The following MRPL40 variants were observed in gnomAD, a reference collection of about 807,000 sequenced individuals.
MRPL40 encodes large ribosomal subunit protein mL40.
A neutral mutation model predicts 24.5 loss-of-function variants in MRPL40; 18 were observed. The ratio of observed to expected loss-of-function variants is 0.73; its 90% confidence interval spans 0.51 to 1.09. The LOEUF is 1.09. Among genes scored for constraint, MRPL40 ranks in the 50% least tolerant of loss-of-function variants. The pLI is 0.00. For synonymous variants in MRPL40, 108 were observed against 94.6 expected (o/e 1.14, Z -0.82); for missense variants, 256 against 243.8 (o/e 1.05, Z -0.33).
rs2089556242 is a variant in MRPL40 at position 19,432,822 on chromosome 22, T to C, written c.53+215T>C. The C allele has an allele frequency of 3.7e-6, 5 of 1,354,818 alleles. No homozygotes were observed. The East Asian group carries it at 8.8e-5, about 24-fold the overall frequency. 83.9% of individuals were successfully genotyped at this position (1,354,818 alleles called of 1,614,324 possible). A position where few individuals can be genotyped will look rare whatever the true frequency, so the allele number is the denominator to read the frequency against. ...TCCTCTGTGGTCTGAACGAAAGATT[T>C]TGAAAAACCTTCCACGTTGACCTTG... is the stretch of plus-strand genomic sequence containing the variant. On this transcript the variant is annotated intron_variant, in intron 1 of 3. Coordinates refer to ENST00000333130, the MANE Select transcript of MRPL40 (RefSeq NM_003776.4).
intron 1 of MRPL40, 145 bp downstream of exon 1, chr22:19,432,752 T>C (rs575525535): frequency 1.1e-5 from 15 of 1,399,176 alleles, no homozygotes; most frequent in African/African-American, 7.5e-5. Context: ...GTGACTCTTA[T>C]GCATGAAAAT....
intron 1 of MRPL40, chr22:19,432,962 C>T: frequency 1.0e-6 from 1 of 994,722 alleles, no homozygotes; most frequent in Non-Finnish European, 1.3e-6. Flanking sequence ...CAGAGTCTCG[C>T]TCTGTCGCCC....
intron 1 of MRPL40, 76 bp downstream of exon 1, chr22:19,432,683 G>C (rs1483032932): frequency 6.8e-7 from 1 of 1,478,916 alleles, no homozygotes; most frequent in Admixed American, 2.3e-5. Context: ...GCCAGGACTC[G>C]CCTGTGCTCC....
chr22:19,435,978 T>C lies in MRPL40; in HGVS notation c.*16T>C. On this transcript the variant is annotated 3_prime_UTR_variant, in exon 4 of 4. Transcript: ENST00000333130. ...TAAGAGATAGACTTGCAGGCTGCTA[T>C]CCTTAACATGCTGCCCCTGAGAGTA... is the stretch of plus-strand genomic sequence containing the variant. The C allele has an allele frequency of 6.3e-7, 1 of 1,593,816 alleles. No homozygotes were observed. Among genetic ancestry groups the C allele is most frequent in the Non-Finnish European group, 8.6e-7 (1 of 1,164,972 alleles).
At chr22:19,433,907 C>T (rs1168559541) in intron 2 of MRPL40, among the ~76,000 whole-genome samples, 4 of 151,700 alleles carry the variant, frequency 2.6e-5, no homozygotes, top group South Asian at 2.1e-4. Context: ...GGATTACAGG[C>T]GCCCACTACC....
In MRPL40 at chr22:19,432,607, G is replaced by A. The variant is rs924516311; in HGVS notation, c.53G>A (p.Gly18Glu). 41 of 1,552,870 alleles carry A rather than the reference G, an allele frequency of 2.6e-5. No homozygotes were observed. The highest frequency in any genetic ancestry group is 3.5e-5 in the Non-Finnish European group (40 of 1,149,716). Residue 18 changes from glycine (G) to glutamate (E), a missense_variant and splice_region_variant, in exon 1 of 4, where the codon GGG becomes GAG. By Grantham distance (98) the Gly-to-Glu change is moderately conservative (BLOSUM62 -2). Coordinates refer to ENST00000333130, the MANE Select transcript of MRPL40 (RefSeq NM_003776.4). The part of the protein sequence containing the change: ...SISLALRPTS[G>E]LLGTWQTQLR... ...TCGCTAGCCCTGCGCCCGACTAGCG[G>A]GTGAGTGCGGACGCTGGCCGGATAG...
Position 19,434,723 on chromosome 22 carries a change from C to G in MRPL40, c.138-13C>G, listed in dbSNP as rs546050988. 3 of 1,572,964 alleles carry G rather than the reference C, an allele frequency of 1.9e-6. No individual in the cohort carries two copies. The highest frequency in any genetic ancestry group is 2.0e-4 in the Middle Eastern group (1 of 5,026). On this transcript the variant is annotated splice_polypyrimidine_tract_variant and intron_variant, in intron 2 of 3. Coordinates refer to ENST00000333130, the MANE Select transcript of MRPL40 (RefSeq NM_003776.4). The stretch of plus-strand genomic sequence containing the variant: ...CAAAGAGGAAAATGTTTAATATTTG[C>G]TTTATCTATTAGATCAGAACCTCTT...
At chr22:19,434,993 C>A in intron 3 of MRPL40, 99 bp downstream of exon 3, 2 of 1,108,340 alleles carry the variant, frequency 1.8e-6, no homozygotes, top group Non-Finnish European at 2.6e-6. Context: ...AGTCATTGGT[C>A]AGTAGGCTTG....
At chr22:19,434,957 T>C (rs2089577782) in intron 3 of MRPL40, 63 bp downstream of exon 3, 3 of 1,398,478 alleles carry the variant, frequency 2.1e-6, no homozygotes, top group Non-Finnish European at 2.0e-6. Flanking sequence ...CTTCAGGTAG[T>C]TGTGTCTGTA....
intron 1 of MRPL40, 41 bp downstream of exon 1, chr22:19,432,648 G>A: frequency 6.6e-7 from 1 of 1,526,692 alleles, no homozygotes; most frequent in Non-Finnish European, 8.8e-7. Context: ...TGCCCAGGGC[G>A]CGTGCGGGGT....
At chr22:19,434,086 A>T (rs1421497041) in intron 2 of MRPL40, among the ~76,000 whole-genome samples, 1 of 150,782 alleles carries the variant, frequency 6.6e-6, no homozygotes, top group Non-Finnish European at 1.5e-5. Context: ...CAATTTTAAT[A>T]GTAATAAGCT....
At position 19,432,553 on chromosome 22, in the gene MRPL40, C is replaced by T. The variant is rs1388324447; in HGVS notation, c.-2C>T. 3.1e-5 allele frequency: 48 copies of T among 1,548,728 alleles called. No individual in the cohort carries two copies. Among genetic ancestry groups the T allele is most frequent in the Admixed American group, 1.4e-4 (7 of 51,186 alleles). ...GCACGCCCGGAAGCGGCGAGGGTAG[C>T]CATGACGGCCTCCGTGCTGCGAAGT... On this transcript the variant is annotated 5_prime_UTR_variant, in exon 1 of 4. Transcript: ENST00000333130.
At chr22:19,432,901 T>A (rs2089556718) in intron 1 of MRPL40, 7 of 1,263,616 alleles carry the variant, frequency 5.5e-6, no homozygotes, top group Middle Eastern at 2.9e-4. Context: ...TGCAATTTTT[T>A]ATTTTCCTGT....
In MRPL40 at chr22:19,433,254, G is replaced by T; in HGVS notation, c.54-11G>T. On this transcript the variant is annotated splice_polypyrimidine_tract_variant and intron_variant, in intron 1 of 3. Coordinates refer to ENST00000333130, the MANE Select transcript of MRPL40 (RefSeq NM_003776.4). ...GAAGCAGATATTTATACATACTCTT[G>T]TATCTTTCAGGCTTCTGGGAACTTG... 2 of 1,589,074 alleles carry T rather than the reference G, an allele frequency of 1.3e-6. No homozygotes were observed. Among genetic ancestry groups the T allele is most frequent in the Non-Finnish European group, 1.7e-6 (2 of 1,157,728 alleles).
At chr22:19,432,628 G>C (rs369234000) in intron 1 of MRPL40, 21 bp downstream of exon 1, 1 of 1,546,032 alleles carries the variant, frequency 6.5e-7, no homozygotes, top group Non-Finnish European at 8.7e-7. Context: ...ACGCTGGCCG[G>C]ATAGCGGAGT....
chr22:19,435,991 G>A lies in MRPL40; in HGVS notation c.*29G>A. On this transcript the variant is annotated 3_prime_UTR_variant, in exon 4 of 4. Transcript: ENST00000333130. ...TGCAGGCTGCTATCCTTAACATGCT[G>A]CCCCTGAGAGTAGGAATGACCAGGG... 1 of 1,563,484 alleles carries A rather than the reference G, an allele frequency of 6.4e-7. No individual in the cohort carries two copies. The highest frequency in any genetic ancestry group is 8.8e-7 in the Non-Finnish European group (1 of 1,142,054).
At chr22:19,434,468 C>T (rs1478813631) in intron 2 of MRPL40, among the ~76,000 whole-genome samples, 1 of 152,068 alleles carries the variant, frequency 6.6e-6, no homozygotes, top group African/African-American at 2.4e-5. Context: ...GGCAATCTGC[C>T]CGCCTTTGCC....
chr22:19,433,524 G>T (rs1351354113), intron 2 of MRPL40, among the ~76,000 whole-genome samples, 176 bp downstream of exon 2: 2 of 152,164 alleles, frequency 1.3e-5, no homozygotes, highest in African/African-American at 2.4e-5. Context: ...ATAGATTGTT[G>T]TTTGTAATTT....
At chr22:19,435,472 A>G (rs1469807867) in intron 3 of MRPL40, among the ~76,000 whole-genome samples, 166 bp from the exon 4 acceptor site, 1 of 152,194 alleles carries the variant, frequency 6.6e-6, no homozygotes. Flanking sequence ...CTTGGTTCCA[A>G]GCATCAGTTG....
Sources: gnomAD v4.1 joint callset for allele counts (sites outside exome capture counted in the v4.1 genomes callset) on GRCh38, gnomAD v4.1.1 for gene constraint, MANE v1.5 for transcripts, NCBI Gene and HGNC (gene_info 2026-07-23, HGNC 2026-07-21) for gene names.